Variants in MYO18B observed in about 807,000 individuals in gnomAD.
MYO18B encodes myosin XVIIIB.
A neutral mutation model predicts 273.0 loss-of-function variants in MYO18B; 204 were observed. The ratio of observed to expected loss-of-function variants is 0.75; its 90% CI spans 0.67 to 0.84. MYO18B has a LOEUF of 0.84. Ranked by LOEUF, MYO18B falls within the 40% of genes least tolerant of loss-of-function variation. The probability of loss-of-function intolerance (pLI) is 0.00; values close to 1 mark genes in which losing one functional copy is unlikely to be tolerated. For missense variants in MYO18B, 3,212 were observed against 3,287.6 expected (o/e 0.98, Z 0.56); for synonymous variants, 1,330 against 1,305.7 (o/e 1.02, Z -0.40).
At chr22:26,061,904 A>C in the MYO18B span, among the ~76,000 whole-genome samples, 1 of 151,822 alleles carries the variant, frequency 6.6e-6, no homozygotes, top group Admixed American at 6.6e-5. Flanking sequence ...AAAAAAAATC[A>C]GTGGTCAGAA....
chr22:26,062,023 A>T, the MYO18B span, among the ~76,000 whole-genome samples: 3 of 152,192 alleles, frequency 2.0e-5, no homozygotes, highest in African/African-American at 7.2e-5. Flanking sequence ...TTTCAAAACT[A>T]ATTTGAGCAT....
chr22:25,824,591 G>C (rs1355885691), intron 13 of MYO18B, among the ~76,000 whole-genome samples: 1 of 152,104 alleles, frequency 6.6e-6, no homozygotes, highest in East Asian at 1.9e-4. Flanking sequence ...GAGTAGGAGT[G>C]TTGTGAGCTG....
intron 38 of MYO18B, chr22:25,953,744 G>A (rs546662534): frequency 2.0e-5 from 3 of 152,296 alleles, no homozygotes; most frequent in African/African-American, 7.2e-5. Context: ...TGAAATGACA[G>A]CAGAGGAGAA....
At chr22:26,013,705 A>G (rs1430858608) in intron 42 of MYO18B, among the ~76,000 whole-genome samples, 16 of 152,198 alleles carry the variant, frequency 1.1e-4, no homozygotes, top group Non-Finnish European at 4.4e-5. Context: ...AAAATTAGCT[A>G]TTCTAATAGG....
At chr22:25,920,596 A>G (rs145209955) in intron 33 of MYO18B, among the ~76,000 whole-genome samples, 2 of 152,322 alleles carry the variant, frequency 1.3e-5, no homozygotes, top group Non-Finnish European at 1.5e-5. Flanking sequence ...TCTGCAGAAA[A>G]TGATCTCATT....
chr22:25,823,350 T>C (rs1383343332), intron 12 of MYO18B, among the ~76,000 whole-genome samples, 155 bp from the exon 13 acceptor site: 3 of 152,142 alleles, frequency 2.0e-5, no homozygotes, highest in African/African-American at 7.2e-5. Flanking sequence ...GGCCATTGCC[T>C]AGGGGCCCAG....
intron 7 of MYO18B, among the ~76,000 whole-genome samples, chr22:25,773,197 G>T (rs1254329692): frequency 6.6e-6 from 1 of 152,178 alleles, no homozygotes; most frequent in Non-Finnish European, 1.5e-5. Flanking sequence ...TCAACCCATA[G>T]TGATTGAGCT....
chr22:26,003,234 A>G, intron 40 of MYO18B, 31 bp from the exon 41 acceptor site: 3 of 1,597,590 alleles, frequency 1.9e-6, no homozygotes, highest in Non-Finnish European at 2.6e-6. Flanking sequence ...CAGCACGAGG[A>G]TAACACACTC....
At chr22:25,876,368 A>T (rs1393915248) in intron 24 of MYO18B, 36 bp downstream of exon 24, 2 of 1,571,174 alleles carry the variant, frequency 1.3e-6, no homozygotes, top group Non-Finnish European at 1.7e-6. Context: ...CTGGGTGGCT[A>T]CTCCCCACAC....
intron 12 of MYO18B, among the ~76,000 whole-genome samples, chr22:25,801,406 A>G (rs1467128608): frequency 6.6e-6 from 1 of 152,194 alleles, no homozygotes; most frequent in African/African-American, 2.4e-5. Flanking sequence ...AATGGGCAAG[A>G]GTCAGGAGTC....
chr22:25,750,426 T>A (rs1168688115), intron 1 of MYO18B, among the ~76,000 whole-genome samples: 2 of 152,170 alleles, frequency 1.3e-5, no homozygotes, highest in East Asian at 3.8e-4. Context: ...GGAGGGGGAA[T>A]CTGAAGATGG....
At chr22:25,975,405 G>A (rs1365173786) in intron 39 of MYO18B, among the ~76,000 whole-genome samples, 1 of 152,162 alleles carries the variant, frequency 6.6e-6, no homozygotes, top group Non-Finnish European at 1.5e-5. Flanking sequence ...TAGTCTGAGA[G>A]GCATCTGAAA....
intron 34 of MYO18B, among the ~76,000 whole-genome samples, chr22:25,937,086 A>AT (rs34738004): frequency 0.35 from 52,060 of 149,664 alleles, 9,792 homozygotes; most frequent in Non-Finnish European, 0.44. Context: ...ATTCAGGAAG[A>AT]TTTTTTTTTT....
chr22:25,845,158 C>T (rs545886341), intron 18 of MYO18B, among the ~76,000 whole-genome samples: 30 of 152,312 alleles, frequency 2.0e-4, no homozygotes, highest in Admixed American at 3.9e-4. Flanking sequence ...TATTAGAGAG[C>T]CCGGTTCGTA....
At chr22:25,975,782 C>A (rs2093082685) in intron 39 of MYO18B, among the ~76,000 whole-genome samples, 1 of 152,212 alleles carries the variant, frequency 6.6e-6, no homozygotes, top group Non-Finnish European at 1.5e-5. Context: ...TCTGCATTTC[C>A]AACCAGCAAC....
Position 25,908,422 on chromosome 22 carries a change from GC to G in MYO18B, c.5251del (p.Gln1751ArgfsTer31). 1 of 1,587,922 alleles carries G rather than the reference GC, an allele frequency of 6.3e-7. No individual in the cohort carries two copies. Among genetic ancestry groups the G allele is most frequent in the South Asian group, 1.2e-5 (1 of 86,474 alleles). On this transcript the variant is annotated frameshift_variant, in exon 32 of 44. Transcript: ENST00000335473. LOFTEE classifies it high-confidence loss of function. ...EEELEDVRQSCQKRLHQLEMQ... is the reference protein window; with the variant it reads ...EEELEDVRQSXQKRLHQLEMQ... ...GAACTGGAGGATGTCCGTCAGTCCT[GC>G]CAGAAGCGGGTACGTGAGCAGTGAA...
At chr22:25,974,114 A>G (rs1238930830) in intron 39 of MYO18B, among the ~76,000 whole-genome samples, 1 of 152,162 alleles carries the variant, frequency 6.6e-6, no homozygotes, top group Non-Finnish European at 1.5e-5. Flanking sequence ...AAACTCTTTT[A>G]TGTCTGCTAA....
At chr22:25,881,173 A>T (rs2091322833) in intron 25 of MYO18B, among the ~76,000 whole-genome samples, 1 of 152,242 alleles carries the variant, frequency 6.6e-6, no homozygotes, top group African/African-American at 2.4e-5. Context: ...AGAGGAGGCC[A>T]TCTCTTTTCT....
At chr22:25,848,096 A>G (rs2146027422) in intron 20 of MYO18B, among the ~76,000 whole-genome samples, 1 of 152,294 alleles carries the variant, frequency 6.6e-6, no homozygotes, top group Admixed American at 6.5e-5. Flanking sequence ...CACTCCTAGA[A>G]AACTAGGGCT....
Sources: allele counts gnomAD v4.1 joint callset (sites outside exome capture counted in the v4.1 genomes callset), GRCh38; gene constraint gnomAD v4.1.1; transcripts MANE v1.5; gene names NCBI Gene and HGNC (gene_info 2026-07-23, HGNC 2026-07-21).